Variants in LRRK1 observed in about 807,000 individuals in gnomAD.
LRRK1 encodes leucine rich repeat kinase 1, also known as leucine-rich repeat serine/threonine-protein kinase 1.
In LRRK1, 113 loss-of-function variants were observed where a neutral mutation model predicts 209.1. The ratio of observed to expected loss-of-function variants is 0.54; its 90% confidence interval spans 0.46 to 0.63. The LOEUF is 0.63. Ranked by LOEUF, LRRK1 falls within the 30% of genes least tolerant of loss-of-function variation. The pLI is 0.00. For missense variants in LRRK1, 2,284 were observed against 2,632.2 expected (o/e 0.87, Z 2.89); for synonymous variants, 1,144 against 1,099.7 (o/e 1.04, Z -0.80).
intron 20 of LRRK1, among the ~76,000 whole-genome samples, chr15:101,042,184 G>T (rs12914452): frequency 0.9 from 137,276 of 152,262 alleles, 63,632 homozygotes; most frequent in East Asian, 1. Context: ...CGTGTAGCAT[G>T]TCTTAAAGTC....
intron 31 of LRRK1, among the ~76,000 whole-genome samples, chr15:101,063,557 C>A (rs949140551): frequency 6.6e-6 from 1 of 152,248 alleles, no homozygotes; most frequent in East Asian, 1.9e-4. Context: ...GTTTCATCCA[C>A]CCTGAGGGGC....
At chr15:100,960,417 C>T (rs536388641) in intron 2 of LRRK1, among the ~76,000 whole-genome samples, 1 of 151,766 alleles carries the variant, frequency 6.6e-6, no homozygotes, top group South Asian at 2.1e-4. Context: ...TCCCCAAAAT[C>T]GGAGTAGGAC....
At chr15:100,925,352 T>C (rs2042091296) in intron 2 of LRRK1, among the ~76,000 whole-genome samples, 1 of 152,244 alleles carries the variant, frequency 6.6e-6, no homozygotes, top group South Asian at 2.1e-4. Context: ...GATCAAAAAA[T>C]GATTCATAAA....
chr15:100,940,602 G>T (rs560784949), intron 2 of LRRK1, among the ~76,000 whole-genome samples: 1 of 152,238 alleles, frequency 6.6e-6, no homozygotes, highest in East Asian at 1.9e-4. Flanking sequence ...AGTTTTAGTT[G>T]ATTCTTGTTT....
At chr15:100,952,861 A>G (rs924228782) in intron 2 of LRRK1, among the ~76,000 whole-genome samples, 3 of 43,168 alleles carry the variant, frequency 6.9e-5, no homozygotes, top group African/African-American at 1.8e-4. Context: ...ATTACTGGGC[A>G]TTCCTTATGC....
intron 21 of LRRK1, 141 bp downstream of exon 21, chr15:101,046,293 G>C: frequency 1.0e-6 from 1 of 987,696 alleles, no homozygotes; most frequent in Non-Finnish European, 1.5e-6. Flanking sequence ...GTAGTGCCAG[G>C]GGGCAGGTGT....
chr15:100,989,812 G>T (rs114325198), intron 6 of LRRK1, among the ~76,000 whole-genome samples: 3 of 152,022 alleles, frequency 2.0e-5, no homozygotes. Context: ...TGAAATCTGG[G>T]CTTCATCCCC....
At position 101,067,421 on chromosome 15, in the gene LRRK1, ATGTGTGTGTGTGTGTGTG is replaced by A. The variant is rs57333844; in HGVS notation, c.5870+706_5870+723del. The A allele has an allele frequency of 6.7e-4, 200 of 297,112 alleles. 3 individuals are homozygous for A. Among genetic ancestry groups the A allele is most frequent in the Admixed American group, 1.6e-3 (48 of 30,248 alleles). 18.4% of individuals were successfully genotyped at this position (297,112 alleles called of 1,614,324 possible). The stretch of plus-strand genomic sequence containing the variant: ...CCCCTACGAAAAGTCCTCAGTTCAA[ATGTGTGTGTGTGTGTGTG>A]TGTGTGTGTGTGTGTGTGTGTGTGT... On this transcript the variant is annotated intron_variant, in intron 33 of 33. Transcript: ENST00000388948.
intron 2 of LRRK1, among the ~76,000 whole-genome samples, chr15:100,955,165 T>A (rs2042728273): frequency 6.6e-6 from 1 of 152,192 alleles, no homozygotes; most frequent in African/African-American, 2.4e-5. Flanking sequence ...TTTATTTGTG[T>A]CTTTTTCAAT....
chr15:101,042,197 A>T (rs1251083931), intron 20 of LRRK1, among the ~76,000 whole-genome samples: 1 of 152,228 alleles, frequency 6.6e-6, no homozygotes, highest in Non-Finnish European at 1.5e-5. Context: ...TTAAAGTCTA[A>T]GTCTGATGGA....
At chr15:100,970,590 C>T (rs968343966) in intron 2 of LRRK1, among the ~76,000 whole-genome samples, 4 of 152,180 alleles carry the variant, frequency 2.6e-5, no homozygotes, top group African/African-American at 9.7e-5. Context: ...CCATCCTTTC[C>T]AAGTCTTGAA....
chr15:101,051,850 T>C lies in LRRK1; in HGVS notation c.3579T>C (p.Cys1193=), dbSNP rs547434099. The change falls in exon 24 of 34, where the codon TGT becomes TGC. Residue 1193 remains cysteine, a synonymous_variant. Transcript: ENST00000388948. ...EDVQYFDMED[C]VLTAIERDFI... is the part of the protein sequence containing the mutation. ...TGCAGTACTTCGACATGGAAGACTG[T>C]GTCCTGACGGCCATCGAGCGGGACT... 1.2e-6 allele frequency: 2 copies of C among 1,614,156 alleles called. No homozygotes were observed. The highest frequency in any genetic ancestry group is 1.7e-5 in the Admixed American group (1 of 60,038).
rs769871825 is a variant in LRRK1 at position 100,989,258 on chromosome 15, G to A, written c.622G>A (p.Asp208Asn). The A allele has an allele frequency of 3.1e-6, 5 of 1,614,074 alleles. No individual in the cohort carries two copies. The highest frequency in any genetic ancestry group is 4.2e-6 in the Non-Finnish European group (5 of 1,179,942). Reference sequence around the variant, plus strand: ...TGGTTTTGTTCCTTTAGGGAATGAAGACATTGCAATATTCCTGCTTCGGCA... The same window carrying A: ...TGGTTTTGTTCCTTTAGGGAATGAAAACATTGCAATATTCCTGCTTCGGCA... ...LYAAIKSGNE[D>N]IAIFLLRHGA... is the part of the protein sequence containing the mutation. Residue 208 changes from aspartate (D) to asparagine (N), a missense_variant, in exon 6 of 34, where the codon GAC (aspartate) becomes AAC (asparagine). Physicochemically the swap from Asp to Asn is conservative, Grantham distance 23 (BLOSUM62 1). This residue lies in a region of LRRK1 where 134 missense variants were observed against 191.7 expected (regional missense o/e 0.70). Coordinates refer to ENST00000388948, the MANE Select transcript of LRRK1 (RefSeq NM_024652.6).
At position 101,021,171 on chromosome 15, in the gene LRRK1, C is replaced by T. The variant is rs1380075881; in HGVS notation, c.1728C>T (p.Leu576=). ...SVCLLKSLSE[L]YLGNNPGLRE... ...GCCTACTGAAGAGCTTATCAGAGCT[C>T]TACTTGGGAAAGTAAGTACACATCT... The change falls in exon 13 of 34, where the codon CTC becomes CTT. Residue 576 remains leucine, a synonymous_variant. Coordinates refer to ENST00000388948, the MANE Select transcript of LRRK1 (RefSeq NM_024652.6). The T allele has an allele frequency of 6.2e-7, 1 of 1,614,028 alleles. No homozygotes were observed. The highest frequency in any genetic ancestry group is 8.5e-7 in the Non-Finnish European group (1 of 1,179,952).
Position 101,065,379 on chromosome 15 carries a change from G to A in LRRK1, c.4942G>A (p.Ala1648Thr), listed in dbSNP as rs572219729. ...TTCCTACCTGGTCTTAGCGGGCCTC[G>A]CCGATGGGCTTGTGGCTGTGTTTCC... ...KNSYLVLAGL[A>T]DGLVAVFPVV... Residue 1648 changes from alanine to threonine, a missense_variant, in exon 32 of 34, where the codon GCC becomes ACC. Ala to Thr is a moderately conservative substitution (Grantham distance 58). Transcript: ENST00000388948. 4.6e-5 allele frequency: 75 copies of A among 1,613,932 alleles called. 1 individual carries two copies. The South Asian group carries it at 5.6e-4, about 12-fold the overall frequency.
chr15:100,976,860 G>A (rs566263818), intron 3 of LRRK1, among the ~76,000 whole-genome samples: 10 of 152,256 alleles, frequency 6.6e-5, no homozygotes, highest in Admixed American at 2.0e-4. Flanking sequence ...ACTCCAAAAG[G>A]ACAAGATAAT....
At chr15:100,934,999 G>T (rs935114190) in intron 2 of LRRK1, among the ~76,000 whole-genome samples, 1 of 152,228 alleles carries the variant, frequency 6.6e-6, no homozygotes, top group South Asian at 2.1e-4. Context: ...GAAGAAGAGG[G>T]TTTATTGAAC....
intron 32 of LRRK1, 39 bp downstream of exon 32, chr15:101,066,244 C>G (rs913404659): frequency 1.2e-5 from 18 of 1,565,180 alleles, no homozygotes; most frequent in Non-Finnish European, 1.6e-5. Flanking sequence ...CAGGGCACGC[C>G]CACTGCTCCT....
In LRRK1 at chr15:101,062,591, C is replaced by G. The variant is rs779968095; in HGVS notation, c.4815C>G (p.Ile1605Met). 2 of 1,613,616 alleles carry G rather than the reference C, an allele frequency of 1.2e-6. No individual in the cohort carries two copies. Among genetic ancestry groups the G allele is most frequent in the Non-Finnish European group, 1.7e-6 (2 of 1,179,484 alleles). Residue 1605 changes from isoleucine to methionine, a missense_variant, in exon 31 of 34, where the codon ATC (isoleucine) becomes ATG (methionine). Coordinates refer to ENST00000388948, the MANE Select transcript of LRRK1 (RefSeq NM_024652.6). ...CTCTGCAGGACCAGAAAATCTACAT[C>G]TACACCCTCAAGGGCATGTGCCCCT... ...WTATEDQKIY[I>M]YTLKGMCPLN...
Sources: gnomAD v4.1 joint callset for allele counts (sites outside exome capture counted in the v4.1 genomes callset) on GRCh38, gnomAD v4.1.1 for gene constraint, gnomAD v4.1.1 regional missense constraint, MANE v1.5 for transcripts, NCBI Gene and HGNC (gene_info 2026-07-23, HGNC 2026-07-21) for gene names.